The following MARCHF8 variants were observed in gnomAD, a reference collection of about 807,000 sequenced individuals.
MARCHF8 encodes membrane associated ring-CH-type finger 8.
MARCHF8 carries 40 observed loss-of-function variants against 51.6 expected under a neutral mutation model. That is an observed-to-expected ratio of 0.77 (90% CI 0.60 to 1.01). The LOEUF (loss-of-function observed/expected upper bound fraction) is 1.01, where lower values mean the gene tolerates loss of function less well. Among genes scored for constraint, MARCHF8 ranks in the 50% least tolerant of loss-of-function variants. MARCHF8 has a pLI of 0.00. For synonymous variants in MARCHF8, 263 were observed against 280.3 expected, an observed-to-expected ratio of 0.94 and a Z score of 0.62; for missense variants, 685 against 708.6, an observed-to-expected ratio of 0.97 and a Z score of 0.38.
At chr10:45,489,495 C>T in intron 2 of MARCHF8, 78 bp from the exon 3 acceptor site, 1 of 1,269,326 alleles carries the variant, frequency 7.9e-7, no homozygotes. Flanking sequence ...ATCACAACAA[C>T]CCTACTGACA....
At chr10:45,573,201 A>G (rs2044451372) in intron 1 of MARCHF8, among the ~76,000 whole-genome samples, 1 of 152,166 alleles carries the variant, frequency 6.6e-6, no homozygotes, top group African/African-American at 2.4e-5. Flanking sequence ...AGGCCATCTC[A>G]TTCTAATTAT....
At chr10:45,520,178 T>C (rs539374146) in intron 2 of MARCHF8, among the ~76,000 whole-genome samples, 5 of 152,364 alleles carry the variant, frequency 3.3e-5, no homozygotes, top group African/African-American at 1.2e-4. Context: ...AAGGATTCAA[T>C]TTAGTGAGTT....
At chr10:45,523,084 AT>A (rs1340648399) in intron 2 of MARCHF8, among the ~76,000 whole-genome samples, 2 of 152,264 alleles carry the variant, frequency 1.3e-5, no homozygotes, top group Admixed American at 6.5e-5. Context: ...ATGGAAAAAA[AT>A]ATACAGTCAG....
At chr10:45,592,832 C>CT (rs1305875902) in intron 1 of MARCHF8, among the ~76,000 whole-genome samples, 1 of 152,184 alleles carries the variant, frequency 6.6e-6, no homozygotes, top group African/African-American at 2.4e-5. Flanking sequence ...CCCAGTTACA[C>CT]TTTAATTTCA....
chr10:45,541,457 T>C (rs1278037894), intron 1 of MARCHF8, among the ~76,000 whole-genome samples: 2 of 152,126 alleles, frequency 1.3e-5, no homozygotes, highest in Non-Finnish European at 2.9e-5. Flanking sequence ...CATTAGGAGA[T>C]ATACCTAATG....
chr10:45,536,791 T>C (rs2043976486), upstream of MARCHF8, among the ~76,000 whole-genome samples: 1 of 148,218 alleles, frequency 6.7e-6, no homozygotes, highest in Admixed American at 6.8e-5. Context: ...AGGCCAGGAG[T>C]TCAAAACCAG....
In MARCHF8 at chr10:45,502,810, G is replaced by A. The variant is rs1195223617; in HGVS notation, c.103-13393C>T. 2.0e-5 allele frequency among the ~76,000 whole-genome samples: 3 copies of A among 152,102 alleles called. No individual in the cohort carries two copies. In the South Asian group the frequency reaches 6.2e-4, roughly 31 times the overall value. On this transcript the variant is annotated intron_variant, in intron 2 of 7. Coordinates refer to ENST00000453424, the MANE Select transcript of MARCHF8 (RefSeq NM_001282866.2). ...GAAATTCATCACATGGAAGGAAAAT[G>A]ATACCAGAAAACAATGTGTATATCA... is the stretch of plus-strand genomic sequence containing the variant.
intron 1 of MARCHF8, among the ~76,000 whole-genome samples, chr10:45,581,423 G>C (rs569194574): frequency 6.6e-6 from 1 of 152,258 alleles, no homozygotes; most frequent in Admixed American, 6.5e-5. Flanking sequence ...GGTAGTTCAG[G>C]AAATGTAAAC....
At chr10:45,550,977 G>A (rs1308773521) in intron 1 of MARCHF8, among the ~76,000 whole-genome samples, 1 of 152,198 alleles carries the variant, frequency 6.6e-6, no homozygotes, top group East Asian at 1.9e-4. Flanking sequence ...TATTCTGAAT[G>A]TTTCTGTGAA....
At chr10:45,562,095 TA>T (rs1178938966) in intron 1 of MARCHF8, among the ~76,000 whole-genome samples, 1 of 152,016 alleles carries the variant, frequency 6.6e-6, no homozygotes, top group Non-Finnish European at 1.5e-5. Flanking sequence ...CAAATTGGAA[TA>T]AATTACTCAG....
intron 1 of MARCHF8, among the ~76,000 whole-genome samples, chr10:45,549,570 G>C (rs775091411): frequency 3.9e-5 from 6 of 152,194 alleles, no homozygotes; most frequent in Non-Finnish European, 8.8e-5. Flanking sequence ...AGGGGGAAAA[G>C]AGACTCTACC....
intron 2 of MARCHF8, among the ~76,000 whole-genome samples, chr10:45,510,541 C>G (rs1260062293): frequency 2.6e-5 from 4 of 152,064 alleles, no homozygotes; most frequent in African/African-American, 9.7e-5. Context: ...GAAGTCAAGA[C>G]AGGAAAATTT....
intron 1 of MARCHF8, 119 bp downstream of exon 1, chr10:45,535,092 C>T (rs1392949937): frequency 2.0e-5 from 3 of 152,190 alleles, no homozygotes; most frequent in East Asian, 1.9e-4. Context: ...AGGTATCACA[C>T]ACCACCTACT....
chr10:45,549,462 C>T (rs912161842), intron 1 of MARCHF8, among the ~76,000 whole-genome samples: 36 of 152,204 alleles, frequency 2.4e-4, no homozygotes, highest in African/African-American at 7.0e-4. Context: ...TTCTTCTAGG[C>T]TTCTTCACAT....
chr10:45,503,390 G>A (rs1050840810), intron 2 of MARCHF8, among the ~76,000 whole-genome samples: 2 of 151,968 alleles, frequency 1.3e-5, no homozygotes, highest in Non-Finnish European at 2.9e-5. Flanking sequence ...ACAAAAATTA[G>A]CTAGGCATGG....
chr10:45,549,027 T>G (rs1341865126), intron 1 of MARCHF8, among the ~76,000 whole-genome samples: 11 of 150,320 alleles, frequency 7.3e-5, no homozygotes, highest in Non-Finnish European at 1.5e-5. Context: ...AAAGAAATAG[T>G]CTACCTTCTT....
At chr10:45,478,850 G>T (rs1383307344) in intron 3 of MARCHF8, among the ~76,000 whole-genome samples, 1 of 152,118 alleles carries the variant, frequency 6.6e-6, no homozygotes, top group African/African-American at 2.4e-5. Flanking sequence ...GAAGTAATGA[G>T]ATTTAAAGAG....
At chr10:45,542,330 A>G (rs934763791) in intron 1 of MARCHF8, among the ~76,000 whole-genome samples, 2 of 134,816 alleles carry the variant, frequency 1.5e-5, no homozygotes, top group Non-Finnish European at 3.1e-5. Flanking sequence ...CTGGTGACAG[A>G]GCAGGACTTC....
intron 1 of MARCHF8, among the ~76,000 whole-genome samples, chr10:45,574,109 CCT>C (rs35724016): frequency 0.26 from 39,405 of 151,612 alleles, 5,336 homozygotes; most frequent in South Asian, 0.36. Flanking sequence ...GTATAGTATA[CCT>C]CTACTCCCTC....
Sources: allele counts gnomAD v4.1 joint callset (sites outside exome capture counted in the v4.1 genomes callset), GRCh38; gene constraint gnomAD v4.1.1; transcripts MANE v1.5; gene names NCBI Gene and HGNC (gene_info 2026-07-23, HGNC 2026-07-21).